Variants in TMEM39A observed in about 807,000 individuals in gnomAD.
TMEM39A encodes suppressor of SQST-1 aggregates in rpl-43 mutants.
In TMEM39A, 19 loss-of-function variants were observed where a neutral mutation model predicts 51.9. The observed-to-expected ratio is 0.37, with a 90% CI of 0.26 to 0.54. The LOEUF (loss-of-function observed/expected upper bound fraction) is 0.54. Ranked by LOEUF, TMEM39A falls within the 20% of genes least tolerant of loss-of-function variation. TMEM39A has a pLI of 0.88. For missense variants in TMEM39A, 433 were observed against 590.5 expected, an observed-to-expected ratio of 0.73 and a Z score of 2.76; for synonymous variants, 197 against 220.2, an observed-to-expected ratio of 0.89 and a Z score of 0.93.
intron 7 of TMEM39A, 81 bp downstream of exon 7, chr3:119,436,710 C>G: frequency 2.1e-6 from 3 of 1,421,706 alleles, no homozygotes; most frequent in Non-Finnish European, 2.9e-6. Context: ...AAGCCAAGAA[C>G]AAGAATGACA....
At chr3:119,451,537 T>C (rs1473958458) in intron 4 of TMEM39A, among the ~76,000 whole-genome samples, 1 of 152,106 alleles carries the variant, frequency 6.6e-6, no homozygotes, top group Middle Eastern at 3.2e-3. Context: ...TTTACAAATA[T>C]ATGAAAAATG....
intron 1 of TMEM39A, among the ~76,000 whole-genome samples, chr3:119,462,635 G>C (rs1177554615): frequency 1.3e-5 from 1 of 74,512 alleles, no homozygotes; most frequent in Admixed American, 1.2e-4. Flanking sequence ...TTTCTTCAAG[G>C]GGGGGGGGCG....
At chr3:119,460,595 C>T (rs2081324335) in intron 2 of TMEM39A, among the ~76,000 whole-genome samples, 1 of 152,072 alleles carries the variant, frequency 6.6e-6, no homozygotes, top group South Asian at 2.1e-4. Flanking sequence ...CCCTTCTAAG[C>T]CCTCCTACAG....
chr3:119,462,712 A>G (rs1473904119), intron 1 of TMEM39A, among the ~76,000 whole-genome samples: 1 of 139,488 alleles, frequency 7.2e-6, no homozygotes, highest in Non-Finnish European at 1.5e-5. Context: ...AAAGGGTACC[A>G]GTAGTTCTTT....
At chr3:119,446,735 A>T in intron 5 of TMEM39A, 1 of 295,974 alleles carries the variant, frequency 3.4e-6, no homozygotes, top group Non-Finnish European at 6.3e-6. Flanking sequence ...AGATAGCAAG[A>T]GGGGCCTTTA....
At chr3:119,435,243 G>A (rs1577047105) in intron 7 of TMEM39A, 1 of 985,240 alleles carries the variant, frequency 1.0e-6, no homozygotes, top group Admixed American at 6.2e-5. Flanking sequence ...AAATGCTAGA[G>A]GGAACAAACA....
intron 5 of TMEM39A, among the ~76,000 whole-genome samples, chr3:119,442,226 C>G (rs575412376): frequency 6.6e-6 from 1 of 152,086 alleles, no homozygotes; most frequent in African/African-American, 2.4e-5. Context: ...ACCTGTAGTC[C>G]CAGCTACTTG....
chr3:119,443,744 G>A (rs1189862148), intron 5 of TMEM39A, among the ~76,000 whole-genome samples: 7 of 151,486 alleles, frequency 4.6e-5, no homozygotes, highest in Admixed American at 6.6e-5. Context: ...AACGAGACCC[G>A]ATCTCTACAA....
At chr3:119,433,291 AGT>A (rs1368884582) in intron 8 of TMEM39A, among the ~76,000 whole-genome samples, 2 of 152,202 alleles carry the variant, frequency 1.3e-5, no homozygotes, top group Non-Finnish European at 2.9e-5. Flanking sequence ...TTGAAACTTC[AGT>A]GTGCCTAAGA....
chr3:119,451,384 T>C, intron 4 of TMEM39A: 3 of 925,198 alleles, frequency 3.2e-6, no homozygotes, highest in South Asian at 1.4e-5. Flanking sequence ...AACTATTCAT[T>C]TAAAATTTCA....
chr3:119,455,002 T>C (rs1335692032), intron 3 of TMEM39A, among the ~76,000 whole-genome samples: 8 of 152,226 alleles, frequency 5.3e-5, no homozygotes, highest in African/African-American at 9.6e-5. Flanking sequence ...AGTTAATTGG[T>C]TGACAGCTAG....
At chr3:119,458,350 A>G (rs2081293712) in intron 2 of TMEM39A, 110 bp from the exon 3 acceptor site, 3 of 846,024 alleles carry the variant, frequency 3.5e-6, no homozygotes, top group Non-Finnish European at 5.6e-6. Flanking sequence ...TGCTTTCCCC[A>G]CAAGACTCCA....
chr3:119,455,116 A>C (rs993999141), intron 3 of TMEM39A, among the ~76,000 whole-genome samples: 1 of 152,216 alleles, frequency 6.6e-6, no homozygotes, highest in South Asian at 2.1e-4. Context: ...AATTATTATG[A>C]GTATCTGACC....
At chr3:119,451,449 AT>A (rs2081197476) in intron 4 of TMEM39A, 1 of 504,892 alleles carries the variant, frequency 2.0e-6, no homozygotes, top group African/African-American at 2.0e-5. Flanking sequence ...CTAAATTAAC[AT>A]TTTTTGTTTT....
In TMEM39A at chr3:119,430,171, CTAATA is replaced by C. The variant is rs1389522199; in HGVS notation, c.*1805_*1809del. 1 of 152,236 alleles carries C rather than the reference CTAATA, an allele frequency of 6.6e-6. No homozygotes were observed. The highest frequency in any genetic ancestry group is 1.9e-4 in the East Asian group (1 of 5,186). 9.4% of individuals were successfully genotyped at this position (152,236 alleles called of 1,614,324 possible). ...TGAACTACTTTAAAAAGCAACTAACCTAATATATTTTCTTGCTATTCTTCCAATAT... is the reference window on the plus strand; with the variant it reads ...TGAACTACTTTAAAAAGCAACTAACCTATTTTCTTGCTATTCTTCCAATAT... On this transcript the variant is annotated 3_prime_UTR_variant, in exon 9 of 9. Coordinates refer to ENST00000319172, the MANE Select transcript of TMEM39A (RefSeq NM_018266.3).
At position 119,447,035 on chromosome 3, in the gene TMEM39A, G is replaced by A. The variant is rs150577430; in HGVS notation, c.558C>T (p.Leu186=). The A allele has an allele frequency of 2.0e-4, 323 of 1,613,758 alleles. No homozygotes were observed. Among genetic ancestry groups the A allele is most frequent in the Non-Finnish European group, 2.6e-4 (307 of 1,179,952 alleles). ...GTACTCACGGGTAGCCAAGGAAAAG[G>A]AGATTGAGGACTGAATGGCTTCGAA... ...NLFRSHSVLN[L]LFLGYPFGVY... Residue 186 remains leucine (L), a synonymous_variant, in exon 5 of 9, where the codon CTC becomes CTT. Transcript: ENST00000319172.
At chr3:119,438,986 G>C (rs984888948) in intron 5 of TMEM39A, among the ~76,000 whole-genome samples, 2 of 152,026 alleles carry the variant, frequency 1.3e-5, no homozygotes, top group African/African-American at 4.8e-5. Flanking sequence ...TTAATTCACT[G>C]CTGTAACTCT....
chr3:119,438,392 A>G (rs374864595), intron 5 of TMEM39A, among the ~76,000 whole-genome samples: 9 of 152,328 alleles, frequency 5.9e-5, no homozygotes, highest in African/African-American at 2.2e-4. Flanking sequence ...CTAGATGCAC[A>G]TATTTCCAAT....
rs889368736 is a variant in TMEM39A, at chr3:119,429,268, A to T, written c.*2713T>A. Among the ~76,000 whole-genome samples the T allele has an allele frequency of 1.3e-5, 2 of 152,008 alleles. No individual in the cohort carries two copies. The highest frequency in any genetic ancestry group is 2.9e-5 in the Non-Finnish European group (2 of 67,950). On this transcript the variant is annotated 3_prime_UTR_variant, in exon 9 of 9. Coordinates refer to ENST00000319172, the MANE Select transcript of TMEM39A (RefSeq NM_018266.3). ...AGTGGTGGTGACTGATAGGGACAGGAAGGAAAGGAGGATTAGGAATATAAA... is the reference window on the plus strand; with the variant it reads ...AGTGGTGGTGACTGATAGGGACAGGTAGGAAAGGAGGATTAGGAATATAAA...
Sources: gnomAD v4.1 joint callset for allele counts (sites outside exome capture counted in the v4.1 genomes callset) on GRCh38, gnomAD v4.1.1 for gene constraint, MANE v1.5 for transcripts, NCBI Gene and HGNC (gene_info 2026-07-23, HGNC 2026-07-21) for gene names.